FBXL13: variants seen among roughly 807,000 people sequenced by gnomAD.
FBXL13 encodes the protein F-box and leucine-rich repeat protein 13.
FBXL13 carries 67 observed loss-of-function variants against 83.6 expected under a neutral mutation model. The ratio of observed to expected loss-of-function variants is 0.80; its 90% CI spans 0.66 to 0.98. The LOEUF (loss-of-function observed/expected upper bound fraction) is 0.98, where lower values mean the gene tolerates loss of function less well. Among genes scored for constraint, FBXL13 ranks in the 50% least tolerant of loss-of-function variants. FBXL13 has a pLI of 0.00. For missense variants in FBXL13, 822 were observed against 866.5 expected (o/e 0.95, Z 0.64); for synonymous variants, 272 against 299.5 (o/e 0.91, Z 0.95).
chr7:102,884,108 A>G (rs933129820), intron 12 of FBXL13, 106 bp downstream of exon 13: 2 of 821,944 alleles, frequency 2.4e-6, no homozygotes, highest in African/African-American at 1.7e-5. Context: ...ACTATTTTAA[A>G]ATAACTAAAA....
intron 10 of FBXL13, among the ~76,000 whole-genome samples, chr7:102,925,056 C>A (rs747079902): frequency 2.0e-5 from 3 of 152,224 alleles, no homozygotes. Context: ...AAATTTGAAT[C>A]TCTCCTAGTG....
At chr7:103,041,438 T>C (rs545014127) in intron 2 of FBXL13, among the ~76,000 whole-genome samples, 6 of 152,250 alleles carry the variant, frequency 3.9e-5, no homozygotes, top group Admixed American at 2.0e-4. Flanking sequence ...TTTCAATCAA[T>C]AGAAAAAGAG....
intron 17 of FBXL13, among the ~76,000 whole-genome samples, chr7:102,846,402 G>A (rs887433580): frequency 3.9e-5 from 6 of 152,132 alleles, no homozygotes; most frequent in African/African-American, 1.2e-4. Flanking sequence ...CAGATCACCT[G>A]AGGTCAGGGG....
intron 11 of FBXL13, among the ~76,000 whole-genome samples, chr7:102,910,414 AG>A (rs1374196964): frequency 5.2e-5 from 7 of 133,908 alleles, no homozygotes; most frequent in African/African-American, 2.0e-4. Context: ...TGTTGGGGGG[AG>A]GGGGTCTTTA....
intron 1 of FBXL13, among the ~76,000 whole-genome samples, chr7:103,059,670 G>C (rs1797665308): frequency 6.6e-6 from 1 of 151,534 alleles, no homozygotes; most frequent in East Asian, 2.0e-4. Flanking sequence ...AGTTTCTTTT[G>C]GCTCTACTTC....
intron 11 of FBXL13, among the ~76,000 whole-genome samples, chr7:102,910,710 C>T (rs1814513357): frequency 6.6e-6 from 1 of 152,148 alleles, no homozygotes; most frequent in African/African-American, 2.4e-5. Context: ...ATAAGGGTGA[C>T]AGCCAACACT....
intron 6 of FBXL13, among the ~76,000 whole-genome samples, chr7:103,004,359 G>A (rs762126733): frequency 6.6e-6 from 1 of 152,154 alleles, no homozygotes; most frequent in African/African-American, 2.4e-5. Flanking sequence ...GGCCCCAGAG[G>A]GAACAGTCCA....
intron 11 of FBXL13, among the ~76,000 whole-genome samples, chr7:102,892,432 G>A (rs1019161610): frequency 3.9e-5 from 6 of 152,114 alleles, no homozygotes; most frequent in Non-Finnish European, 5.9e-5. Context: ...ATATAAGTCC[G>A]ATTTACAAGA....
intron 16 of FBXL13, among the ~76,000 whole-genome samples, chr7:102,876,870 C>G (rs560504712): frequency 1.3e-5 from 2 of 152,286 alleles, no homozygotes; most frequent in East Asian, 3.9e-4. Flanking sequence ...TCCATATATT[C>G]CTTGTATAAC....
intron 6 of FBXL13, among the ~76,000 whole-genome samples, chr7:103,009,627 CA>C (rs764351111): frequency 2.6e-4 from 39 of 152,340 alleles, no homozygotes; most frequent in Middle Eastern, 3.4e-3. Context: ...GGCCCTGGAG[CA>C]GACCAGCACC....
At chr7:102,973,644 C>T (rs746808878) in intron 6 of FBXL13, 8 of 766,308 alleles carry the variant, frequency 1.0e-5, no homozygotes, top group South Asian at 1.3e-5. Flanking sequence ...GGAGGGGCTC[C>T]GGTCTTCGTC....
intron 2 of FBXL13, among the ~76,000 whole-genome samples, chr7:103,034,761 C>T (rs7806025): frequency 0.13 from 20,227 of 152,256 alleles, 1,416 homozygotes; most frequent in Middle Eastern, 0.2. Flanking sequence ...ACACTGTCAC[C>T]TCTCAGCATG....
chr7:102,965,318 T>G (rs1825858784), intron 7 of FBXL13, among the ~76,000 whole-genome samples: 1 of 152,036 alleles, frequency 6.6e-6, no homozygotes, highest in Non-Finnish European at 1.5e-5. Flanking sequence ...TAAGGCTTAG[T>G]TTTTTTTCAT....
chr7:102,910,240 C>A (rs570720139), intron 11 of FBXL13, among the ~76,000 whole-genome samples: 1 of 152,122 alleles, frequency 6.6e-6, no homozygotes, highest in Non-Finnish European at 1.5e-5. Flanking sequence ...AGGCTCTCTG[C>A]ACCATGTTGG....
intron 11 of FBXL13, among the ~76,000 whole-genome samples, chr7:102,905,992 G>T (rs1009821292): frequency 7.2e-5 from 11 of 152,168 alleles, no homozygotes; most frequent in African/African-American, 2.7e-4. Context: ...TGGACTTACA[G>T]TTCCACATGG....
intron 6 of FBXL13, among the ~76,000 whole-genome samples, chr7:103,021,142 C>T (rs566114692): frequency 2.6e-5 from 4 of 152,124 alleles, no homozygotes; most frequent in South Asian, 2.1e-4. Flanking sequence ...GAGATATAGA[C>T]CAATGGAACA....
chr7:102,976,068 G>A (rs2228686), intron 6 of FBXL13: 162,229 of 766,148 alleles, frequency 0.21, 21,428 homozygotes, highest in East Asian at 0.57. Flanking sequence ...GTTGGACTGT[G>A]AGCGGCCCCT....
intron 10 of FBXL13, 46 bp from the exon 12 acceptor site, chr7:102,913,261 T>G: frequency 2.5e-6 from 4 of 1,609,306 alleles, no homozygotes; most frequent in Non-Finnish European, 2.5e-6. Context: ...CTTCCGTTGT[T>G]CTCTCAAATC....
chr7:102,961,865 C>T (rs1358878517), intron 8 of FBXL13, among the ~76,000 whole-genome samples: 4 of 145,626 alleles, frequency 2.7e-5, no homozygotes, highest in Non-Finnish European at 6.0e-5. Context: ...AAACGTTAGA[C>T]CTAAAACCAT....
Sources: gnomAD v4.1 joint callset for allele counts (sites outside exome capture counted in the v4.1 genomes callset) on GRCh38, gnomAD v4.1.1 for gene constraint, MANE v1.5 for transcripts, NCBI Gene and HGNC (gene_info 2026-07-23, HGNC 2026-07-21) for gene names.